The following MGA variants were observed in gnomAD, a reference collection of about 807,000 sequenced individuals.
The protein encoded by MGA is MAX gene-associated protein.
In MGA, 40 loss-of-function variants were observed where a neutral mutation model predicts 261.1. The ratio of observed to expected loss-of-function variants is 0.15; its 90% CI spans 0.12 to 0.20. MGA has a LOEUF of 0.20. Among genes scored for constraint, MGA ranks in the 10% least tolerant of loss-of-function variants. MGA has a pLI of 1.00. For synonymous variants in MGA, 1,302 were observed against 1,290.6 expected, an observed-to-expected ratio of 1.01 and a Z score of -0.19; for missense variants, 3,397 against 3,630.5, an observed-to-expected ratio of 0.94 and a Z score of 1.65.
intron 2 of MGA, among the ~76,000 whole-genome samples, chr15:41,682,209 A>C (rs920256684): frequency 6.6e-6 from 1 of 151,386 alleles, no homozygotes; most frequent in African/African-American, 2.4e-5. Flanking sequence ...GAGCCACTGC[A>C]CCCCCCTTCT....
intron 1 of MGA, among the ~76,000 whole-genome samples, chr15:41,630,307 C>A (rs981073539): frequency 2.0e-5 from 3 of 152,158 alleles, no homozygotes; most frequent in Non-Finnish European, 4.4e-5. Context: ...CTGCATGGTA[C>A]TTCCTCAGTG....
In MGA at chr15:41,767,227, G is replaced by C. The variant is rs1255166940; in HGVS notation, c.9145G>C (p.Val3049Leu). Reference sequence around the variant, plus strand: ...CAAGGTGATGCCTACATTGGCACCTGTTGTGGCTAAATTGGGCAACTCGGG... The same window carrying C: ...CAAGGTGATGCCTACATTGGCACCTCTTGTGGCTAAATTGGGCAACTCGGG... Residue 3049 changes from valine (V) to leucine (L), a missense_variant, in exon 24 of 24, where the codon GTT becomes CTT. Physicochemically the swap from Val to Leu is conservative, Grantham distance 32. Transcript: ENST00000219905. The C allele has an allele frequency of 1.9e-6, 3 of 1,613,782 alleles. No individual in the cohort carries two copies. Among genetic ancestry groups the C allele is most frequent in the African/African-American group, 1.3e-5 (1 of 74,922 alleles).
chr15:41,740,475 G>A (rs989486371), intron 14 of MGA, among the ~76,000 whole-genome samples: 23 of 152,024 alleles, frequency 1.5e-4, no homozygotes, highest in African/African-American at 5.5e-4. Flanking sequence ...AAGTTTTATA[G>A]TTATTTTTAA....
At chr15:41,716,070 C>G (rs1310640347) in intron 9 of MGA, among the ~76,000 whole-genome samples, 1 of 151,868 alleles carries the variant, frequency 6.6e-6, no homozygotes, top group Non-Finnish European at 1.5e-5. Flanking sequence ...TGTTTTCTTA[C>G]TGGTACAGTT....
Position 41,754,586 on chromosome 15 carries a change from T to G in MGA, c.7139+19T>G. ...AACAGCCGTAAGTCTTATTTCTCTT[T>G]GGATTGTTGTTTTTGTAGTTTTGTA... On this transcript the variant is annotated intron_variant, in intron 18 of 23. Coordinates refer to ENST00000219905, the MANE Select transcript of MGA (RefSeq NM_001164273.2). 1 of 1,536,368 alleles carries G rather than the reference T, an allele frequency of 6.5e-7. No individual in the cohort carries two copies. Among genetic ancestry groups the G allele is most frequent in the Non-Finnish European group, 8.8e-7 (1 of 1,141,296 alleles).
At chr15:41,762,893 C>T (rs2063562294) in intron 22 of MGA, among the ~76,000 whole-genome samples, 1 of 152,074 alleles carries the variant, frequency 6.6e-6, no homozygotes, top group Admixed American at 6.5e-5. Flanking sequence ...GTTACCAGTC[C>T]TGGTAGCATA....
Position 41,708,690 on chromosome 15 carries a change from C to G in MGA, c.2425+482C>G, listed in dbSNP as rs145823947. Among the ~76,000 whole-genome samples the G allele has an allele frequency of 4.1e-3, 632 of 152,332 alleles. 5 individuals are homozygous for G. Among genetic ancestry groups the G allele is most frequent in the African/African-American group, 0.014 (602 of 41,576 alleles). On this transcript the variant is annotated intron_variant, in intron 7 of 23. Transcript: ENST00000219905. ...TGTCTGCTACCCATTTTCCTGTAGT[C>G]ACAACCCTGAGGTTCAGTCAGGCTT...
chr15:41,694,726 A>T (rs1287608033), intron 2 of MGA, among the ~76,000 whole-genome samples: 2 of 151,910 alleles, frequency 1.3e-5, no homozygotes, highest in African/African-American at 4.8e-5. Context: ...GTTAGCCAGG[A>T]TGGTCTTGAT....
At chr15:41,644,711 A>T (rs2056900592) in intron 1 of MGA, among the ~76,000 whole-genome samples, 1 of 152,176 alleles carries the variant, frequency 6.6e-6, no homozygotes, top group African/African-American at 2.4e-5. Flanking sequence ...AATGTGTATT[A>T]TTAATTGTGG....
Position 41,729,244 on chromosome 15 carries a change from A to G in MGA, c.3738A>G (p.Arg1246=). 2 of 1,613,570 alleles carry G rather than the reference A, an allele frequency of 1.2e-6. No homozygotes were observed. The highest frequency in any genetic ancestry group is 1.7e-6 in the Non-Finnish European group (2 of 1,179,640). Reference sequence around the variant, plus strand: ...GTGCTCGAGTTCGAGTATATGAGCGAAAAAAAGAGGACCAGAGACAACCAT... The same window carrying G: ...GTGCTCGAGTTCGAGTATATGAGCGGAAAAAAGAGGACCAGAGACAACCAT... The change falls in exon 11 of 24, where the codon CGA becomes CGG. Residue 1246 remains arginine, a synonymous_variant. Coordinates refer to ENST00000219905, the MANE Select transcript of MGA (RefSeq NM_001164273.2).
Position 41,748,883 on chromosome 15 carries a change from C to G in MGA, c.5459C>G (p.Ser1820Cys), listed in dbSNP as rs2062667141. ...CTACCTTTGCATCAGCTTCGAGGCT[C>G]TAATACCCAGCCCAACTTACAGCCT... is the stretch of plus-strand genomic sequence containing the variant. Residue 1820 changes from serine (S) to cysteine (C), a missense_variant, in exon 16 of 24, where the codon TCT (serine) becomes TGT (cysteine). Coordinates refer to ENST00000219905, the MANE Select transcript of MGA (RefSeq NM_001164273.2). 1.2e-6 allele frequency: 2 copies of G among 1,613,918 alleles called. No individual in the cohort carries two copies. The highest frequency in any genetic ancestry group is 1.7e-6 in the Non-Finnish European group (2 of 1,179,884).
intron 1 of MGA, among the ~76,000 whole-genome samples, chr15:41,648,416 G>C (rs1302766976): frequency 6.6e-6 from 1 of 152,208 alleles, no homozygotes; most frequent in African/African-American, 2.4e-5. Flanking sequence ...CTGTGTATAT[G>C]TTAGCTGTTA....
chr15:41,762,364 TAGG>T lies in MGA; in HGVS notation c.7744+6_7744+8del. 1.2e-6 allele frequency: 2 copies of T among 1,608,972 alleles called. No homozygotes were observed. Reference sequence around the variant, plus strand: ...CCAGAAAAAAAGACCAGGCCACAGGTAGGAGGGACATTCTTCGCTTTCCTTAAT... The same window carrying T: ...CCAGAAAAAAAGACCAGGCCACAGGTAGGGACATTCTTCGCTTTCCTTAAT... On this transcript the variant is annotated splice_donor_5th_base_variant and intron_variant, in intron 22 of 23. Coordinates refer to ENST00000219905, the MANE Select transcript of MGA (RefSeq NM_001164273.2).
At chr15:41,626,422 T>C (rs1218758243) in intron 1 of MGA, among the ~76,000 whole-genome samples, 5 of 152,072 alleles carry the variant, frequency 3.3e-5, no homozygotes. Flanking sequence ...AAAAAAACTT[T>C]TTTTTTTAAA....
intron 17 of MGA, among the ~76,000 whole-genome samples, chr15:41,753,354 CTA>C (rs1422207865): frequency 2.6e-5 from 4 of 151,040 alleles, no homozygotes; most frequent in Non-Finnish European, 4.4e-5. Context: ...GGCTCATTTA[CTA>C]TGTTTCTGGC....
At chr15:41,658,704 T>G (rs1346612623), upstream of MGA, among the ~76,000 whole-genome samples, 2 of 144,818 alleles carry the variant, frequency 1.4e-5, no homozygotes, top group Non-Finnish European at 3.0e-5. Flanking sequence ...AAGTTCAGCG[T>G]TTTTTTTTTG....
intron 1 of MGA, among the ~76,000 whole-genome samples, chr15:41,649,522 A>T (rs1009863445): frequency 2.0e-5 from 3 of 152,206 alleles, no homozygotes; most frequent in African/African-American, 7.2e-5. Context: ...TTGACAGCGT[A>T]TCATGGTCAG....
In MGA at chr15:41,693,109, G is replaced by A. The variant is rs189585062; in HGVS notation, c.1065-2966G>A. Among the ~76,000 whole-genome samples the A allele has an allele frequency of 8.2e-3, 1,252 of 152,192 alleles. 13 individuals are homozygous for A. Among genetic ancestry groups the A allele is most frequent in the African/African-American group, 0.029 (1,203 of 41,526 alleles). ...CCTGCCTCGGCCTCCCAAAGTGTTA[G>A]GATTACAGGCACGAGCCACCACACC... On this transcript the variant is annotated intron_variant, in intron 2 of 23. Coordinates refer to ENST00000219905, the MANE Select transcript of MGA (RefSeq NM_001164273.2).
intron 5 of MGA, among the ~76,000 whole-genome samples, chr15:41,700,393 T>C (rs2059786225): frequency 6.6e-6 from 1 of 152,148 alleles, no homozygotes; most frequent in East Asian, 1.9e-4. Context: ...TTTGTCCTAA[T>C]GCTCTCCCTC....
Sources: gnomAD v4.1 joint callset for allele counts (sites outside exome capture counted in the v4.1 genomes callset) on GRCh38, gnomAD v4.1.1 for gene constraint, MANE v1.5 for transcripts, NCBI Gene and HGNC (gene_info 2026-07-23, HGNC 2026-07-21) for gene names.